Variants in ESRRB observed in about 807,000 individuals in gnomAD.
ESRRB encodes steroid hormone receptor ERR2.
ESRRB carries 16 observed loss-of-function variants against 46.0 expected under a neutral mutation model. The observed-to-expected ratio is 0.35, with a 90% confidence interval of 0.24 to 0.53. The LOEUF (loss-of-function observed/expected upper bound fraction) is 0.53, where lower values mean the gene tolerates loss of function less well. Among genes scored for constraint, ESRRB ranks in the 20% least tolerant of loss-of-function variants. ESRRB has a pLI of 0.93. For synonymous variants in ESRRB, 246 were observed against 259.6 expected (o/e 0.95, Z 0.50); for missense variants, 488 against 607.4 (o/e 0.80, Z 2.07).
At chr14:76,456,077 C>A (rs1472053340) in intron 2 of ESRRB, among the ~76,000 whole-genome samples, 4 of 120,110 alleles carry the variant, frequency 3.3e-5, no homozygotes, top group African/African-American at 1.2e-4. Flanking sequence ...CACACACACA[C>A]AAAAGAAAGA....
At chr14:76,410,777 A>C (rs55934659) in intron 1 of ESRRB, among the ~76,000 whole-genome samples, 3 of 150,640 alleles carry the variant, frequency 2.0e-5, no homozygotes, top group African/African-American at 4.9e-5. Flanking sequence ...TTTTCTTCTT[A>C]TTTTTTTTTA....
At chr14:76,365,784 A>AT (rs1477907980) in intron 1 of ESRRB, among the ~76,000 whole-genome samples, 1 of 152,174 alleles carries the variant, frequency 6.6e-6, no homozygotes, top group Non-Finnish European at 1.5e-5. Context: ...CCAACAAAAG[A>AT]TTTTCTTGGA....
chr14:76,420,558 AGTGTGTGTGTGTGT>A (rs61137774), intron 1 of ESRRB, among the ~76,000 whole-genome samples: 2 of 142,364 alleles, frequency 1.4e-5, no homozygotes, highest in Non-Finnish European at 3.1e-5. Flanking sequence ...ACAGGGTGTG[AGTGTGTGTGTGTGT>A]GTGTGTGTGT....
chr14:76,402,942 C>T (rs1325151140), intron 1 of ESRRB, among the ~76,000 whole-genome samples: 1 of 152,080 alleles, frequency 6.6e-6, no homozygotes, highest in African/African-American at 2.4e-5. Flanking sequence ...AGGCATACAC[C>T]ATCACACCTG....
intron 1 of ESRRB, among the ~76,000 whole-genome samples, chr14:76,380,236 T>A (rs144079267): frequency 1.4e-4 from 22 of 152,168 alleles, no homozygotes; most frequent in African/African-American, 5.1e-4. Flanking sequence ...ATCTGCCTAC[T>A]TCTGATGGGC....
At chr14:76,346,419 C>G (rs1212020288) in intron 1 of ESRRB, among the ~76,000 whole-genome samples, 2 of 152,330 alleles carry the variant, frequency 1.3e-5, no homozygotes, top group East Asian at 3.9e-4. Flanking sequence ...CCCGGGGCAC[C>G]CATCCCTGGC....
At chr14:76,486,436 C>T (rs950434960) in intron 5 of ESRRB, among the ~76,000 whole-genome samples, 3 of 152,230 alleles carry the variant, frequency 2.0e-5, no homozygotes, top group East Asian at 1.9e-4. Context: ...GCAGCTGTGT[C>T]TGAAGTGGCC....
chr14:76,469,928 T>C (rs1566603731), intron 3 of ESRRB, among the ~76,000 whole-genome samples: 1 of 130,226 alleles, frequency 7.7e-6, no homozygotes, highest in African/African-American at 3.1e-5. Context: ...TGTTTTTTGT[T>C]GTTTTTTTTT....
At chr14:76,318,366 T>A (rs1883827257) in intron 1 of ESRRB, among the ~76,000 whole-genome samples, 1 of 152,178 alleles carries the variant, frequency 6.6e-6, no homozygotes, top group South Asian at 2.1e-4. Context: ...GGCTGACACC[T>A]CCTCTGAGTG....
At chr14:76,465,850 G>C (rs1020306175) in intron 3 of ESRRB, among the ~76,000 whole-genome samples, 1 of 152,164 alleles carries the variant, frequency 6.6e-6, no homozygotes, top group African/African-American at 2.4e-5. Flanking sequence ...TCCTGAGTAC[G>C]GACAAAGCAG....
chr14:76,458,471 A>AAC (rs1487044715), intron 2 of ESRRB, among the ~76,000 whole-genome samples: 2 of 46,902 alleles, frequency 4.3e-5, no homozygotes, highest in South Asian at 5.8e-4. Context: ...CACACACACA[A>AAC]ACACACACAC....
chr14:76,398,957 T>C (rs1011856926), intron 1 of ESRRB, among the ~76,000 whole-genome samples: 4 of 152,216 alleles, frequency 2.6e-5, no homozygotes, highest in Admixed American at 6.5e-5. Context: ...ACAGAAAGGA[T>C]GCAGTTGCAT....
At position 76,482,432 on chromosome 14, in the gene ESRRB, C is replaced by T. The variant is rs899595611; in HGVS notation, c.689-166C>T. Among the ~76,000 whole-genome samples the T allele has an allele frequency of 1.3e-5, 2 of 152,188 alleles. No individual in the cohort carries two copies. Among genetic ancestry groups the T allele is most frequent in the Non-Finnish European group, 2.9e-5 (2 of 68,026 alleles). On this transcript the variant is annotated intron_variant, in intron 4 of 6. Transcript: ENST00000644823. This position sits in a 1 kb window ranked among gnomAD's most constrained non-coding sequence, Gnocchi z 4.3. ...GATATTTCTCAACAGCCCAGATCAC[C>T]ACTACCAGCAACTTCATGGAGCCAG...
intron 3 of ESRRB, among the ~76,000 whole-genome samples, chr14:76,468,250 TTC>T (rs1425110771): frequency 6.6e-6 from 1 of 152,170 alleles, no homozygotes; most frequent in Non-Finnish European, 1.5e-5. Context: ...CCTTTAAAAA[TTC>T]TTTTTCTTTT....
rs146132674 is a variant in ESRRB at position 76,354,960 on chromosome 14, C to T, written c.2+44044C>T. Among the ~76,000 whole-genome samples, 302 of 152,184 alleles carry T rather than the reference C, an allele frequency of 2.0e-3. 2 individuals carry two copies. Among genetic ancestry groups the T allele is most frequent in the African/African-American group, 7.0e-3 (291 of 41,506 alleles). ...TCCTGACCTCAGGTGATCCACCCACCTCAGCCTCCCAGATTGCTGGGATTA... is the reference window on the plus strand; with the variant it reads ...TCCTGACCTCAGGTGATCCACCCACTTCAGCCTCCCAGATTGCTGGGATTA... On this transcript the variant is annotated intron_variant, in intron 1 of 6. Coordinates refer to the ESRRB transcript ENST00000512784.
At chr14:76,406,109 G>T (rs1221945513) in intron 1 of ESRRB, among the ~76,000 whole-genome samples, 1 of 152,158 alleles carries the variant, frequency 6.6e-6, no homozygotes, top group African/African-American at 2.4e-5. Flanking sequence ...CATATTTCAA[G>T]CATGTTGAAG....
At chr14:76,336,776 A>G (rs1884131697) in intron 1 of ESRRB, among the ~76,000 whole-genome samples, 2 of 152,150 alleles carry the variant, frequency 1.3e-5, no homozygotes, top group Non-Finnish European at 2.9e-5. Flanking sequence ...ATGTATTAGC[A>G]TGTGCTAGGT....
intron 6 of ESRRB, among the ~76,000 whole-genome samples, chr14:76,495,801 T>G (rs1890405188): frequency 6.6e-6 from 1 of 152,072 alleles, no homozygotes; most frequent in Non-Finnish European, 1.5e-5. Context: ...TGAGCCAAAT[T>G]TTTAAATTTT....
At chr14:76,470,737 G>A (rs1043495591) in intron 3 of ESRRB, among the ~76,000 whole-genome samples, 1 of 152,188 alleles carries the variant, frequency 6.6e-6, no homozygotes, top group African/African-American at 2.4e-5. Context: ...GCCCAGGCTG[G>A]AGTGCAGTGA....
Sources: allele counts gnomAD v4.1 joint callset (sites outside exome capture counted in the v4.1 genomes callset), GRCh38; gene constraint gnomAD v4.1.1; non-coding constraint Gnocchi (gnomAD v3.1); transcripts MANE v1.5; gene names NCBI Gene and HGNC (gene_info 2026-07-23, HGNC 2026-07-21).